OXR1: variants seen among roughly 807,000 people sequenced by gnomAD.
OXR1 encodes oxidation resistance 1.
Under a neutral mutation model 104.6 loss-of-function variants are expected in OXR1, and 41 were observed. The observed-to-expected ratio is 0.39, with a 90% CI of 0.31 to 0.51. The LOEUF (loss-of-function observed/expected upper bound fraction) is 0.51. Ranked by LOEUF, OXR1 falls within the 20% of genes least tolerant of loss-of-function variation. OXR1 has a pLI of 0.77. For synonymous variants in OXR1, 348 were observed against 348.4 expected, an observed-to-expected ratio of 1.00 and a Z score of 0.01; for missense variants, 955 against 1,031.9, an observed-to-expected ratio of 0.93 and a Z score of 1.02.
At chr8:106,337,898 T>G (rs1815029220) in intron 1 of OXR1, among the ~76,000 whole-genome samples, 1 of 152,208 alleles carries the variant, frequency 6.6e-6, no homozygotes, top group Non-Finnish European at 1.5e-5. Context: ...AGAATTATAA[T>G]AGCTACTTAA....
intron 1 of OXR1, among the ~76,000 whole-genome samples, chr8:106,293,285 A>C (rs1181526134): frequency 6.6e-6 from 1 of 152,212 alleles, no homozygotes; most frequent in African/African-American, 2.4e-5. Context: ...AAGTACATTG[A>C]TTTACATTCT....
At chr8:106,710,819 CATT>C in intron 10 of OXR1, 29 bp downstream of exon 10, 1 of 1,335,906 alleles carries the variant, frequency 7.5e-7, no homozygotes, top group Non-Finnish European at 9.9e-7. Context: ...ACCTTGAGAG[CATT>C]ATTGAGATTC....
At chr8:106,454,106 T>G (rs1190274546) in intron 2 of OXR1, among the ~76,000 whole-genome samples, 1 of 152,214 alleles carries the variant, frequency 6.6e-6, no homozygotes, top group Non-Finnish European at 1.5e-5. Flanking sequence ...CTTTACATTT[T>G]AAGTTTGACC....
intron 2 of OXR1, among the ~76,000 whole-genome samples, chr8:106,379,620 C>T (rs1817058410): frequency 6.8e-6 from 1 of 147,878 alleles, no homozygotes; most frequent in Non-Finnish European, 1.5e-5. Flanking sequence ...ACACTGCAAC[C>T]TCCGCCTCCC....
rs148375139 is a variant in OXR1, at chr8:106,671,589, C to T, written c.221-7621C>T. Among the ~76,000 whole-genome samples, 935 of 151,968 alleles carry T rather than the reference C, an allele frequency of 6.2e-3. 12 individuals carry two copies. The highest frequency in any genetic ancestry group is 0.021 in the African/African-American group (881 of 41,410). ...AACCCGAATGTCCATCAGTGATAGA[C>T]TGGATTAAGAAAATGTGGCACATAT... On this transcript the variant is annotated intron_variant, in intron 3 of 16. Transcript: ENST00000517566.
At chr8:106,386,813 C>T (rs1377395995) in intron 2 of OXR1, among the ~76,000 whole-genome samples, 2 of 152,160 alleles carry the variant, frequency 1.3e-5, no homozygotes, top group African/African-American at 4.8e-5. Flanking sequence ...GGAAAATAAG[C>T]ATGGGGACAG....
chr8:106,398,410 G>T (rs774928927), intron 2 of OXR1, among the ~76,000 whole-genome samples: 20 of 152,112 alleles, frequency 1.3e-4, no homozygotes, highest in Admixed American at 9.2e-4. Flanking sequence ...TTTGCAACAG[G>T]ATTGAGAGCT....
At chr8:106,299,092 A>G (rs1336630258) in intron 1 of OXR1, among the ~76,000 whole-genome samples, 3 of 152,148 alleles carry the variant, frequency 2.0e-5, no homozygotes, top group Non-Finnish European at 2.9e-5. Context: ...TTAGACCACA[A>G]AAGTTCATTG....
At chr8:106,417,098 G>A (rs565988237) in intron 2 of OXR1, among the ~76,000 whole-genome samples, 1 of 152,046 alleles carries the variant, frequency 6.6e-6, no homozygotes, top group Non-Finnish European at 1.5e-5. Context: ...ATTTTTTAAT[G>A]TATTATGTTT....
chr8:106,563,022 A>C (rs899185405), intron 3 of OXR1, among the ~76,000 whole-genome samples: 1 of 152,234 alleles, frequency 6.6e-6, no homozygotes, highest in Non-Finnish European at 1.5e-5. Context: ...AAAAGAAGCC[A>C]AAATGTAAAG....
intron 3 of OXR1, among the ~76,000 whole-genome samples, chr8:106,576,466 CAAAAAAAAAA>C (rs55917847): frequency 8.9e-6 from 1 of 112,462 alleles, no homozygotes; most frequent in African/African-American, 3.4e-5. Context: ...CACAGTTATT[CAAAAAAAAAA>C]AAAAAAAAAG....
chr8:106,401,739 C>T (rs1818010413), intron 2 of OXR1, among the ~76,000 whole-genome samples: 1 of 152,164 alleles, frequency 6.6e-6, no homozygotes. Context: ...AGAAATTTCA[C>T]CTAAGTAGAA....
At chr8:106,486,725 T>A (rs913942522) in intron 2 of OXR1, among the ~76,000 whole-genome samples, 4 of 152,064 alleles carry the variant, frequency 2.6e-5, no homozygotes, top group African/African-American at 4.8e-5. Flanking sequence ...CTGTTTAATT[T>A]ACATGCATAA....
intron 3 of OXR1, among the ~76,000 whole-genome samples, chr8:106,622,892 G>T (rs1053883357): frequency 6.6e-6 from 1 of 152,018 alleles, no homozygotes. Flanking sequence ...GGCCTAATAC[G>T]TAGAATGTCT....
At chr8:106,679,495 C>T (rs532729862) in intron 4 of OXR1, among the ~76,000 whole-genome samples, 1 of 151,484 alleles carries the variant, frequency 6.6e-6, no homozygotes, top group East Asian at 1.9e-4. Context: ...AGGTAGTTAT[C>T]CTAGAAAATT....
At chr8:106,689,537 A>T (rs1829072325) in intron 6 of OXR1, among the ~76,000 whole-genome samples, 4 of 152,118 alleles carry the variant, frequency 2.6e-5, no homozygotes, top group African/African-American at 9.6e-5. Flanking sequence ...ATTATAGAGA[A>T]TTTATATTAT....
intron 11 of OXR1, among the ~76,000 whole-genome samples, chr8:106,720,077 A>AT (rs1832696089): frequency 6.6e-6 from 1 of 152,190 alleles, no homozygotes; most frequent in South Asian, 2.1e-4. Flanking sequence ...AAGTGCTGGG[A>AT]TTACAGGCGT....
intron 1 of OXR1, among the ~76,000 whole-genome samples, chr8:106,332,058 C>T (rs1019308026): frequency 1.3e-5 from 2 of 149,744 alleles, no homozygotes; most frequent in African/African-American, 5.0e-5. Flanking sequence ...CCTTCTTCCT[C>T]CCCATCCTCA....
In OXR1 at chr8:106,274,852, T is replaced by A. The variant is rs1393463524; in HGVS notation, c.-139+4485T>A. Among the ~76,000 whole-genome samples, 3 of 152,332 alleles carry A rather than the reference T, an allele frequency of 2.0e-5. No individual in the cohort carries two copies. In the East Asian group the frequency reaches 5.8e-4, roughly 29 times the overall value. ...TGAAAGACCTGAGGAAAAGATGACT[T>A]CAGTGTAAGCAACACTGGTACTGAT... On this transcript the variant is annotated intron_variant, in intron 1 of 16. Transcript: ENST00000517566.
Sources: allele counts gnomAD v4.1 joint callset (sites outside exome capture counted in the v4.1 genomes callset), GRCh38; gene constraint gnomAD v4.1.1; transcripts MANE v1.5; gene names NCBI Gene and HGNC (gene_info 2026-07-23, HGNC 2026-07-21).